The following ADAM32 variants were observed in gnomAD, a reference collection of about 807,000 sequenced individuals.
ADAM32 encodes ADAM metallopeptidase domain 32.
Under a neutral mutation model 114.9 loss-of-function variants are expected in ADAM32, and 89 were observed. The ratio of observed to expected loss-of-function variants is 0.77; its 90% CI spans 0.65 to 0.92. The LOEUF is 0.92. Among genes scored for constraint, ADAM32 ranks in the 40% least tolerant of loss-of-function variants. ADAM32 has a pLI of 0.00. For synonymous variants in ADAM32, 285 were observed against 307.5 expected (o/e 0.93, Z 0.77); for missense variants, 870 against 932.8 (o/e 0.93, Z 0.88).
At chr8:39,257,435 C>CA in intron 19 of ADAM32, 92 bp downstream of exon 19, 1 of 1,392,508 alleles carries the variant, frequency 7.2e-7, no homozygotes, top group Non-Finnish European at 9.7e-7. Flanking sequence ...CAATACTTTA[C>CA]ATATCACTGG....
intron 12 of ADAM32, among the ~76,000 whole-genome samples, chr8:39,218,575 C>A (rs1808743894): frequency 6.6e-6 from 1 of 152,054 alleles, no homozygotes; most frequent in African/African-American, 2.4e-5. Flanking sequence ...GGCATTCCAA[C>A]CACTTGACAC....
chr8:39,223,121 G>T lies in ADAM32; in HGVS notation c.1408G>T (p.Glu470Ter). 1 of 1,596,622 alleles carries T rather than the reference G, an allele frequency of 6.3e-7. No homozygotes were observed. Among genetic ancestry groups the T allele is most frequent in the Non-Finnish European group, 8.5e-7 (1 of 1,171,874 alleles). The change falls in exon 14 of 25, where the codon GAA (glutamate) becomes TAA (stop). Residue 470 changes from glutamate (E) to a stop codon, truncating the protein, a stop_gained. Coordinates refer to ENST00000379907, the MANE Select transcript of ADAM32 (RefSeq NM_145004.7). LOFTEE classifies it high-confidence loss of function. ...IAENCNGTSP[E>*]CGPDITLING... ...TGAAAATTGTAATGGAACCTCACCA[G>T]AATGTGGTCCTGACATAACTTTAAT... is the stretch of plus-strand genomic sequence containing the variant.
chr8:39,136,593 A>G lies in ADAM32; in HGVS notation c.139-64A>G, dbSNP rs1802817961. The stretch of plus-strand genomic sequence containing the variant: ...ATTGTTTGGACAGATTAATTGATAT[A>G]AAACTGTTGTTTTGCTTCTTGTATT... On this transcript the variant is annotated intron_variant, in intron 2 of 24. Transcript: ENST00000379907. 7.7e-6 allele frequency: 8 copies of G among 1,036,880 alleles called. No individual in the cohort carries two copies. In the East Asian group the frequency reaches 8.3e-5, roughly 11 times the overall value. The allele number at this position is 1,036,880 out of a possible 1,614,324, so 64.2% of individuals were successfully genotyped here. A position where few individuals can be genotyped will look rare whatever the true frequency, so the allele number is the denominator to read the frequency against.
At chr8:39,188,055 T>C (rs1328759892) in intron 11 of ADAM32, among the ~76,000 whole-genome samples, 2 of 151,608 alleles carry the variant, frequency 1.3e-5, no homozygotes, top group East Asian at 3.9e-4. Context: ...AGGTCAAAGG[T>C]CAAAAGTGAA....
At chr8:39,115,752 C>T (rs1445551172) in intron 1 of ADAM32, among the ~76,000 whole-genome samples, 1 of 152,042 alleles carries the variant, frequency 6.6e-6, no homozygotes, top group African/African-American at 2.4e-5. Flanking sequence ...TAATGAAGTC[C>T]CACTTCTCAA....
chr8:39,235,230 T>C (rs900875219), intron 16 of ADAM32, among the ~76,000 whole-genome samples: 4 of 152,188 alleles, frequency 2.6e-5, no homozygotes, highest in Admixed American at 6.5e-5. Context: ...GCTTTAAAGA[T>C]AGATGTTCAT....
rs748555532 is a variant in ADAM32, at chr8:39,169,974, C to T, written c.892C>T (p.Arg298Cys). 1.9e-6 allele frequency: 3 copies of T among 1,597,520 alleles called. No homozygotes were observed. The highest frequency in any genetic ancestry group is 2.2e-5 in the East Asian group (1 of 44,550). Residue 298 changes from arginine to cysteine, a missense_variant, in exon 10 of 25, where the codon CGT becomes TGT. Transcript: ENST00000379907. ...AVFPGTMCIT[R>C]YSAGVALYPK... ...GTTTCCTGGAACAATGTGTATTACT[C>T]GTTATTCTGCAGGAGTTGCATTGGT...
At chr8:39,248,543 A>T (rs1811080086) in intron 17 of ADAM32, among the ~76,000 whole-genome samples, 1 of 152,160 alleles carries the variant, frequency 6.6e-6, no homozygotes, top group African/African-American at 2.4e-5. Context: ...AACCTTGTAT[A>T]TTGCAACCAT....
chr8:39,183,174 T>C (rs1450262563), intron 10 of ADAM32, among the ~76,000 whole-genome samples: 1 of 152,216 alleles, frequency 6.6e-6, no homozygotes, highest in Non-Finnish European at 1.5e-5. Flanking sequence ...TTGGCTAGTC[T>C]TTCTGGCGTG....
intron 2 of ADAM32, among the ~76,000 whole-genome samples, chr8:39,121,239 C>T (rs1399270977): frequency 6.6e-6 from 1 of 152,138 alleles, no homozygotes; most frequent in East Asian, 1.9e-4. Context: ...AGAAACACTG[C>T]CAGCTGGAAC....
chr8:39,257,863 C>A (rs966815114), intron 19 of ADAM32, among the ~76,000 whole-genome samples: 1 of 152,058 alleles, frequency 6.6e-6, no homozygotes, highest in Non-Finnish European at 1.5e-5. Flanking sequence ...TCTTGCCCAC[C>A]ATGGGAAATA....
chr8:39,157,694 A>G, intron 6 of ADAM32: 1 of 886,460 alleles, frequency 1.1e-6, no homozygotes, highest in Non-Finnish European at 1.8e-6. Flanking sequence ...CTGCATCAAG[A>G]CTTGTGGAGG....
intron 11 of ADAM32, among the ~76,000 whole-genome samples, chr8:39,195,940 C>A (rs1806953506): frequency 6.6e-6 from 1 of 152,118 alleles, no homozygotes; most frequent in Non-Finnish European, 1.5e-5. Flanking sequence ...GTGGTATGAT[C>A]ATGATAACAG....
At chr8:39,172,599 T>A (rs907101599) in intron 10 of ADAM32, among the ~76,000 whole-genome samples, 33 of 152,310 alleles carry the variant, frequency 2.2e-4, no homozygotes, top group African/African-American at 7.9e-4. Context: ...TCTGTTCCTG[T>A]GTTAGTTTGC....
chr8:39,208,278 A>G (rs1807978991), intron 11 of ADAM32, among the ~76,000 whole-genome samples: 1 of 152,130 alleles, frequency 6.6e-6, no homozygotes, highest in South Asian at 2.1e-4. Context: ...ACAAAGAATG[A>G]AACAAACACA....
chr8:39,208,246 T>C (rs2129448208), intron 11 of ADAM32, among the ~76,000 whole-genome samples: 1 of 152,166 alleles, frequency 6.6e-6, no homozygotes, highest in East Asian at 1.9e-4. Flanking sequence ...TTTGTCTTTT[T>C]GATAATACCC....
Position 39,186,933 on chromosome 8 carries a change from G to T in ADAM32, c.940G>T (p.Ala314Ser). 6.2e-7 allele frequency: 1 copy of T among 1,611,972 alleles called. No homozygotes were observed. Among genetic ancestry groups the T allele is most frequent in the Non-Finnish European group, 8.5e-7 (1 of 1,178,758 alleles). The stretch of plus-strand genomic sequence containing the variant: ...GTACCCCAAGGAGATAACTCTGGAG[G>T]CATTTGCAGTTATTGTCACCCAGAT... ...ALYPKEITLEAFAVIVTQMLA... is the reference protein window; with the variant it reads ...ALYPKEITLESFAVIVTQMLA... Residue 314 changes from alanine (A) to serine (S), a missense_variant, in exon 11 of 25, where the codon GCA becomes TCA. By Grantham distance (99) the Ala-to-Ser change is moderately conservative. Coordinates refer to ENST00000379907, the MANE Select transcript of ADAM32 (RefSeq NM_145004.7).
intron 19 of ADAM32, among the ~76,000 whole-genome samples, chr8:39,264,616 T>C (rs1812237486): frequency 6.6e-6 from 1 of 152,226 alleles, no homozygotes; most frequent in Non-Finnish European, 1.5e-5. Flanking sequence ...CTCTTGTTTT[T>C]CTAGGTCTTC....
chr8:39,213,420 C>CATTT lies in ADAM32; in HGVS notation c.1233+2096_1233+2097insATTT, dbSNP rs759739122. The stretch of plus-strand genomic sequence containing the variant: ...CCTACTGTACTATTGAGTGCTAGCA[C>CATTT]TAATCCCTTCCATTTACCTGTATTT... On this transcript the variant is annotated intron_variant, in intron 12 of 24. Coordinates refer to ENST00000379907, the MANE Select transcript of ADAM32 (RefSeq NM_145004.7). Among the ~76,000 whole-genome samples, 857 of 152,212 alleles carry CATTT rather than the reference C, an allele frequency of 5.6e-3. 4 individuals are homozygous for CATTT. The highest frequency in any genetic ancestry group is 9.2e-3 in the Admixed American group (141 of 15,292).
Sources: gnomAD v4.1 joint callset for allele counts (sites outside exome capture counted in the v4.1 genomes callset) on GRCh38, gnomAD v4.1.1 for gene constraint, MANE v1.5 for transcripts, NCBI Gene and HGNC (gene_info 2026-07-23, HGNC 2026-07-21) for gene names.